The following ZFHX3 variants were observed in gnomAD, a reference collection of about 807,000 sequenced individuals.
ZFHX3 encodes zinc finger homeobox 3.
Under a neutral mutation model 279.1 loss-of-function variants are expected in ZFHX3, and 42 were observed. The observed-to-expected ratio is 0.15, with a 90% CI of 0.12 to 0.19. The LOEUF (loss-of-function observed/expected upper bound fraction) is 0.19, where lower values mean the gene tolerates loss of function less well. Among genes scored for constraint, ZFHX3 ranks in the 10% least tolerant of loss-of-function variants. The pLI is 1.00. For synonymous variants in ZFHX3, 2,293 were observed against 1,957.8 expected (o/e 1.17, Z -4.52); for missense variants, 4,981 against 4,754.0 (o/e 1.05, Z -1.40).
intron 7 of ZFHX3, among the ~76,000 whole-genome samples, chr16:72,808,564 T>C (rs1224916198): frequency 6.6e-6 from 1 of 152,224 alleles, no homozygotes; most frequent in Non-Finnish European, 1.5e-5. Context: ...TCCATTGACT[T>C]TCCCTTGTTG....
rs946562177 is a variant in ZFHX3 at position 72,793,745 on chromosome 16, C to T, written c.8937G>A (p.Leu2979=). Residue 2979 remains leucine, a synonymous_variant, in exon 9 of 10, where the codon CTG becomes CTA. Coordinates refer to ENST00000268489, the MANE Select transcript of ZFHX3 (RefSeq NM_006885.4). The surrounding 1 kb of genome is among the most constrained non-coding windows in gnomAD (Gnocchi z 4.3). ...TCTTTGGCAGTCCAATGTCATTGCC[C>T]AGGACCTCACATTCTAGCATAGTGG... ...RTPTMLECEV[L]GNDIGLPKRV... is the part of the protein sequence containing the mutation. 1.9e-6 allele frequency: 3 copies of T among 1,614,150 alleles called. No homozygotes were observed. The highest frequency in any genetic ancestry group is 2.5e-6 in the Non-Finnish European group (3 of 1,180,040).
intron 1 of ZFHX3, among the ~76,000 whole-genome samples, chr16:73,731,466 G>T (rs2053569044): frequency 6.9e-6 from 1 of 145,390 alleles, no homozygotes; most frequent in Non-Finnish European, 1.5e-5. Context: ...TAAAAAGGGT[G>T]TTTTTTTTTT....
At chr16:73,109,503 C>CAGA (rs10624237) in intron 7 of ZFHX3, among the ~76,000 whole-genome samples, 93,948 of 151,832 alleles carry the variant, frequency 0.62, 29,638 homozygotes, top group African/African-American at 0.73. Flanking sequence ...CAGCACGACA[C>CAGA]AGGTTACGTG....
At chr16:73,549,895 T>C (rs1026072824) in intron 2 of ZFHX3, among the ~76,000 whole-genome samples, 2 of 151,646 alleles carry the variant, frequency 1.3e-5, no homozygotes, top group African/African-American at 4.8e-5. Context: ...CAAAATTACA[T>C]GAGAAGCAAA....
intron 3 of ZFHX3, among the ~76,000 whole-genome samples, chr16:73,424,753 CAAAAAAAAAAAA>C (rs71156163): frequency 2.3e-4 from 22 of 95,816 alleles, no homozygotes; most frequent in Non-Finnish European, 2.8e-4. Flanking sequence ...TACCCTGTGT[CAAAAAAAAAAAA>C]AAAAAAAAAA....
chr16:73,682,644 G>A (rs112712943), intron 1 of ZFHX3, among the ~76,000 whole-genome samples: 7 of 151,630 alleles, frequency 4.6e-5, no homozygotes, highest in Admixed American at 1.3e-4. Flanking sequence ...AAAATGAGCC[G>A]GTCATGGTGG....
At chr16:72,832,989 C>G (rs888409760) in intron 4 of ZFHX3, among the ~76,000 whole-genome samples, 2 of 152,202 alleles carry the variant, frequency 1.3e-5, no homozygotes, top group African/African-American at 2.4e-5. Flanking sequence ...ACTGTGAGCT[C>G]TGAATACCAA....
At chr16:73,792,258 G>A (rs1056813417) in intron 1 of ZFHX3, among the ~76,000 whole-genome samples, 83 of 152,130 alleles carry the variant, frequency 5.5e-4, no homozygotes, top group African/African-American at 1.9e-3. Context: ...TGTAAAGCAT[G>A]CCTTAAGAAA....
intron 7 of ZFHX3, among the ~76,000 whole-genome samples, chr16:73,123,995 T>C (rs1161257820): frequency 6.6e-6 from 1 of 152,190 alleles, no homozygotes; most frequent in Non-Finnish European, 1.5e-5. Flanking sequence ...ACCCAGTCTG[T>C]GGTGTTTTGT....
At chr16:73,756,203 A>G (rs888150581) in intron 1 of ZFHX3, among the ~76,000 whole-genome samples, 3 of 152,216 alleles carry the variant, frequency 2.0e-5, no homozygotes, top group Non-Finnish European at 4.4e-5. Flanking sequence ...GGCACTGCAC[A>G]TGGTCTCACT....
At chr16:73,605,896 A>G (rs1386726934) in intron 2 of ZFHX3, among the ~76,000 whole-genome samples, 1 of 152,082 alleles carries the variant, frequency 6.6e-6, no homozygotes, top group Admixed American at 6.6e-5. Context: ...TAAAAAATCC[A>G]TGCTGGGGCA....
At chr16:73,127,781 G>T (rs746533627) in intron 7 of ZFHX3, among the ~76,000 whole-genome samples, 2 of 152,194 alleles carry the variant, frequency 1.3e-5, no homozygotes, top group South Asian at 2.1e-4. Flanking sequence ...AAGCAGAATG[G>T]TGCCATATAG....
chr16:72,969,769 G>GT (rs199891387), intron 1 of ZFHX3, among the ~76,000 whole-genome samples: 19 of 152,286 alleles, frequency 1.2e-4, no homozygotes, highest in East Asian at 3.9e-4. Flanking sequence ...TCCCTTCTGT[G>GT]TTTTTTTACA....
intron 3 of ZFHX3, among the ~76,000 whole-genome samples, chr16:73,326,243 T>C (rs1385504905): frequency 6.6e-6 from 1 of 152,100 alleles, no homozygotes; most frequent in Non-Finnish European, 1.5e-5. Flanking sequence ...GCAACGGCCA[T>C]TTAAGAATTT....
chr16:73,633,098 A>G (rs2052492969), intron 2 of ZFHX3, among the ~76,000 whole-genome samples: 1 of 152,210 alleles, frequency 6.6e-6, no homozygotes, highest in Non-Finnish European at 1.5e-5. Flanking sequence ...AAAAATAAGA[A>G]AGACTGACAT....
intron 1 of ZFHX3, among the ~76,000 whole-genome samples, chr16:73,019,327 C>T (rs28533537): frequency 4.7e-5 from 7 of 148,750 alleles, no homozygotes; most frequent in East Asian, 2.0e-4. Context: ...CCAGCGTGTG[C>T]GTGTGTGTGT....
At chr16:73,134,769 C>A (rs910424475) in intron 6 of ZFHX3, among the ~76,000 whole-genome samples, 11 of 152,056 alleles carry the variant, frequency 7.2e-5, no homozygotes, top group African/African-American at 2.2e-4. Flanking sequence ...CAACATCAGA[C>A]TTGGCCATGT....
intron 7 of ZFHX3, among the ~76,000 whole-genome samples, chr16:73,120,402 A>G (rs1048287471): frequency 2.6e-5 from 4 of 152,002 alleles, no homozygotes; most frequent in Non-Finnish European, 4.4e-5. Flanking sequence ...AGTAGCTGGG[A>G]CTACAGGCAC....
chr16:73,077,048 C>CCCT (rs1178169162), intron 8 of ZFHX3, among the ~76,000 whole-genome samples: 18 of 152,062 alleles, frequency 1.2e-4, no homozygotes, highest in African/African-American at 4.1e-4. Context: ...GTAACTATTC[C>CCCT]CCTCCTTTGG....
Sources: gnomAD v4.1 joint callset for allele counts (sites outside exome capture counted in the v4.1 genomes callset) on GRCh38, gnomAD v4.1.1 for gene constraint, Gnocchi (gnomAD v3.1) non-coding constraint, MANE v1.5 for transcripts, NCBI Gene and HGNC (gene_info 2026-07-23, HGNC 2026-07-21) for gene names.